FRMD4B: variants seen among roughly 807,000 people sequenced by gnomAD.
FRMD4B encodes the protein FERM domain containing 4B.
FRMD4B carries 74 observed loss-of-function variants against 141.5 expected under a neutral mutation model. The ratio of observed to expected loss-of-function variants is 0.52; its 90% confidence interval spans 0.43 to 0.63. The LOEUF (loss-of-function observed/expected upper bound fraction) is 0.63. Ranked by LOEUF, FRMD4B falls within the 30% of genes least tolerant of loss-of-function variation. FRMD4B has a pLI of 0.00. For synonymous variants in FRMD4B, 506 were observed against 467.9 expected, an observed-to-expected ratio of 1.08 and a Z score of -1.05; for missense variants, 1,366 against 1,253.4, an observed-to-expected ratio of 1.09 and a Z score of -1.36.
At chr3:69,369,752 AC>A (rs1703773325) in intron 1 of FRMD4B, among the ~76,000 whole-genome samples, 1 of 152,228 alleles carries the variant, frequency 6.6e-6, no homozygotes, top group Admixed American at 6.5e-5. Context: ...GTATGATTTG[AC>A]AGTTAAGATT....
intron 1 of FRMD4B, among the ~76,000 whole-genome samples, chr3:69,493,982 T>C (rs904950024): frequency 6.6e-5 from 10 of 152,176 alleles, no homozygotes; most frequent in African/African-American, 2.4e-4. Context: ...CCTCAAGCCA[T>C]CCTCTCACCT....
intron 1 of FRMD4B, among the ~76,000 whole-genome samples, chr3:69,358,862 C>T (rs930176944): frequency 2.0e-5 from 3 of 152,162 alleles, no homozygotes; most frequent in Non-Finnish European, 4.4e-5. Flanking sequence ...AAGATAAGTT[C>T]AGCCCACATT....
chr3:69,180,246 CAAAAAAA>C (rs71115658), intron 21 of FRMD4B, among the ~76,000 whole-genome samples: 77,670 of 101,546 alleles, frequency 0.76, 29,831 homozygotes, highest in Middle Eastern at 0.89. Context: ...CTTGTTTCTA[CAAAAAAA>C]AAAAAAAAAA....
intron 1 of FRMD4B, among the ~76,000 whole-genome samples, chr3:69,434,761 T>C (rs1207786186): frequency 6.6e-6 from 1 of 152,206 alleles, no homozygotes; most frequent in Non-Finnish European, 1.5e-5. Context: ...AAAGAAATGT[T>C]AAGATCTCAA....
At chr3:69,367,268 T>C (rs1703693290) in intron 1 of FRMD4B, among the ~76,000 whole-genome samples, 1 of 152,190 alleles carries the variant, frequency 6.6e-6, no homozygotes, top group Non-Finnish European at 1.5e-5. Context: ...TATAAAATAT[T>C]TGATTTCAGA....
At chr3:69,311,691 A>G (rs928118691) in intron 2 of FRMD4B, among the ~76,000 whole-genome samples, 2 of 152,210 alleles carry the variant, frequency 1.3e-5, no homozygotes, top group African/African-American at 4.8e-5. Context: ...TGCCCAAGAC[A>G]AGGAATATTA....
chr3:69,402,840 A>G (rs1244136810), intron 2 of FRMD4B, among the ~76,000 whole-genome samples: 1 of 152,228 alleles, frequency 6.6e-6, no homozygotes, highest in Non-Finnish European at 1.5e-5. Context: ...TAAATCAAAA[A>G]GAATCAGGAA....
intron 1 of FRMD4B, among the ~76,000 whole-genome samples, chr3:69,529,335 T>A (rs888314486): frequency 6.6e-6 from 1 of 152,222 alleles, no homozygotes; most frequent in Non-Finnish European, 1.5e-5. Context: ...TAACCAAGCA[T>A]GTCTATAGGC....
chr3:69,278,809 G>C (rs2106984669), intron 5 of FRMD4B, among the ~76,000 whole-genome samples: 1 of 151,900 alleles, frequency 6.6e-6, no homozygotes, highest in Non-Finnish European at 1.5e-5. Context: ...GGCTGGTCTG[G>C]AACTCCTGGG....
intron 5 of FRMD4B, among the ~76,000 whole-genome samples, chr3:69,263,499 T>C (rs994736590): frequency 1.4e-5 from 2 of 147,322 alleles, no homozygotes; most frequent in Non-Finnish European, 3.0e-5. Flanking sequence ...CTCGAACTCC[T>C]GGGCTCAAGT....
Position 69,465,645 on chromosome 3 carries a change from G to C in FRMD4B, c.-128-32884C>G, listed in dbSNP as rs1705770633. On this transcript the variant is annotated intron_variant, in intron 1 of 5. Coordinates refer to the FRMD4B transcript ENST00000459638. ...TATGAGTAAGAATATGTGGTGTTTG[G>C]TTTTCTGTTCTTGTGATAGTTTACT... 2.0e-5 allele frequency among the ~76,000 whole-genome samples: 3 copies of C among 151,930 alleles called. No individual in the cohort carries two copies. In the South Asian group the frequency reaches 6.2e-4, roughly 32 times the overall value.
At chr3:69,471,775 C>G (rs1428486067) in intron 1 of FRMD4B, 2 of 155,546 alleles carry the variant, frequency 1.3e-5, no homozygotes, top group East Asian at 3.8e-4. Flanking sequence ...CCACTCTCTT[C>G]TGACTCAGAA....
chr3:69,178,966 G>T (rs1157247611), intron 21 of FRMD4B, among the ~76,000 whole-genome samples: 1 of 151,728 alleles, frequency 6.6e-6, no homozygotes, highest in East Asian at 1.9e-4. Flanking sequence ...GATCCTTCAG[G>T]TGGCTGGAAG....
intron 1 of FRMD4B, among the ~76,000 whole-genome samples, chr3:69,488,878 G>A (rs898235225): frequency 1.6e-5 from 2 of 124,884 alleles, no homozygotes; most frequent in African/African-American, 6.3e-5. Context: ...GGGTGACAGA[G>A]CGAGACTCCA....
intron 7 of FRMD4B, among the ~76,000 whole-genome samples, chr3:69,245,317 TTGTG>T (rs67220182): frequency 0.22 from 30,888 of 142,412 alleles, 3,177 homozygotes; most frequent in African/African-American, 0.24. Context: ...CTGACTTTCT[TTGTG>T]TGTGTGTGTG....
At chr3:69,363,028 T>C (rs1182863005) in intron 1 of FRMD4B, among the ~76,000 whole-genome samples, 2 of 151,882 alleles carry the variant, frequency 1.3e-5, no homozygotes, top group African/African-American at 4.8e-5. Context: ...TGAAAATAAC[T>C]TTAATAATAT....
In FRMD4B at chr3:69,168,954, T is replaced by C. The variant is rs912877731; in HGVS notation, c.*2907A>G. On this transcript the variant is annotated 3_prime_UTR_variant, in exon 23 of 23. Transcript: ENST00000398540. The stretch of plus-strand genomic sequence containing the variant: ...TATATCTTTATGAGGTAGATCAGTA[T>C]GTCTTGATACAGAGGCCCAAGATAT... Among the ~76,000 whole-genome samples the C allele has an allele frequency of 2.0e-5, 3 of 151,858 alleles. No homozygotes were observed. The highest frequency in any genetic ancestry group is 4.8e-5 in the African/African-American group (2 of 41,352).
intron 2 of FRMD4B, among the ~76,000 whole-genome samples, chr3:69,395,647 G>A (rs1575786452): frequency 6.6e-6 from 1 of 152,258 alleles, no homozygotes; most frequent in East Asian, 1.9e-4. Context: ...GGACATGAAA[G>A]TATATCTTGT....
chr3:69,248,262 A>AATAT (rs539301687), intron 7 of FRMD4B, among the ~76,000 whole-genome samples: 3 of 140,290 alleles, frequency 2.1e-5, no homozygotes, highest in African/African-American at 8.3e-5. Context: ...CACACACACA[A>AATAT]ATATATATAT....
Sources: gnomAD v4.1 joint callset for allele counts (sites outside exome capture counted in the v4.1 genomes callset) on GRCh38, gnomAD v4.1.1 for gene constraint, MANE v1.5 for transcripts, NCBI Gene and HGNC (gene_info 2026-07-23, HGNC 2026-07-21) for gene names.